Variants in ARL17A observed in about 807,000 individuals in gnomAD.
ARL17A encodes ADP-ribosylation factor-like 17-like.
At chr17:46,501,082 A>G in the ARL17A span, among the ~76,000 whole-genome samples, 2 of 151,280 alleles carry the variant, frequency 1.3e-5, 1 homozygote, top group African/African-American at 4.9e-5. Flanking sequence ...TAGAGACAGA[A>G]TATCCCTGTG....
chr17:46,575,018 C>T (rs1348488810), intron 2 of ARL17A, among the ~76,000 whole-genome samples: 3 of 76,872 alleles, frequency 3.9e-5, no homozygotes, highest in Non-Finnish European at 6.8e-5. Context: ...ATCGCCTGAA[C>T]CCAGGAGGCG....
downstream of ARL17A, among the ~76,000 whole-genome samples, chr17:46,551,212 C>T (rs1481762410): frequency 6.7e-6 from 1 of 149,040 alleles, no homozygotes; most frequent in Non-Finnish European, 1.5e-5. Context: ...TTACCTAAAG[C>T]CTACATCTGG....
chr17:46,553,266 C>T lies in ARL17A; in HGVS notation c.*4090G>A, dbSNP rs62073353. The T allele has an allele frequency of 0.23, 269,778 of 1,163,560 alleles. 78,470 individuals are homozygous for T. The highest frequency in any genetic ancestry group is 0.53 in the South Asian group (32,853 of 61,756). The allele number at this position is 1,163,560 out of a possible 1,614,324, so 72.1% of individuals were successfully genotyped here. On this transcript the variant is annotated 3_prime_UTR_variant, in exon 4 of 4. Transcript: ENST00000336125. ...GAAGAATCAAAGCAGTGTTACACAG[C>T]ATACAATTCCTGTCTTCAAAAAAGT...
In ARL17A at chr17:46,545,910, G is replaced by C. The variant is rs1022976902; in HGVS notation, c.260-7484C>G. 2.4e-3 allele frequency among the ~76,000 whole-genome samples: 358 copies of C among 149,646 alleles called. 8 individuals carry two copies. Among genetic ancestry groups the C allele is most frequent in the African/African-American group, 8.8e-3 (349 of 39,532 alleles). On this transcript the variant is annotated intron_variant, in intron 3 of 4. Transcript: ENST00000329240. ...TTGAGAAAGGGACTCCAGAAGTTGG[G>C]GGCTTATTCAGACTTCTTAAAAGTC...
intron 3 of ARL17A, among the ~76,000 whole-genome samples, chr17:46,545,343 C>A (rs1456003991): frequency 7.1e-6 from 1 of 140,210 alleles, no homozygotes; most frequent in Admixed American, 7.0e-5. Context: ...CCCAGCTACT[C>A]AGGAGGCTGA....
intron 2 of ARL17A, among the ~76,000 whole-genome samples, chr17:46,572,972 A>T: frequency 6.5e-5 from 1 of 15,268 alleles, no homozygotes; most frequent in Non-Finnish European, 4.2e-4. Context: ...AGGACAGAAA[A>T]GGGAGGGAGG....
At chr17:46,569,219 A>G (rs2057637337) in intron 3 of ARL17A, among the ~76,000 whole-genome samples, 1 of 151,686 alleles carries the variant, frequency 6.6e-6, no homozygotes, top group South Asian at 2.1e-4. Flanking sequence ...AAGTGCTGGG[A>G]TTACAGGTGT....
At chr17:46,525,523 G>T (rs1276366272), downstream of ARL17A, among the ~76,000 whole-genome samples, 3 of 111,524 alleles carry the variant, frequency 2.7e-5, no homozygotes, top group African/African-American at 6.4e-5. Flanking sequence ...GGAGGCGGAG[G>T]TTGCAGTGAG....
chr17:46,560,526 T>TA (rs947808165), intron 3 of ARL17A: 1 of 48,348 alleles, frequency 2.1e-5, no homozygotes, highest in African/African-American at 9.3e-5. Context: ...GAAGGCTGTC[T>TA]AGGGCACAAA....
chr17:46,548,714 G>A (rs1450902684), downstream of ARL17A: 1 of 1,609,598 alleles, frequency 6.2e-7, no homozygotes, highest in African/African-American at 1.4e-5. Flanking sequence ...AGGGAACAGG[G>A]TGCCCAGGCA....
intron 3 of ARL17A, among the ~76,000 whole-genome samples, chr17:46,568,812 TAGAG>T (rs1465264454): frequency 2.7e-4 from 27 of 101,294 alleles, no homozygotes; most frequent in African/African-American, 1.2e-3. Flanking sequence ...AAAAAAGGCA[TAGAG>T]AAAGAACAAC....
chr17:46,557,070 A>T lies in ARL17A; in HGVS notation c.*286T>A, dbSNP rs1482167246. On this transcript the variant is annotated 3_prime_UTR_variant, in exon 4 of 4. Transcript: ENST00000336125. ...CCTAAAAGAAAAGTTTAAAAAGGAA[A>T]AAACACCTAGGAGAAAAGAAAAATG... 2.1e-6 allele frequency: 1 copy of T among 469,470 alleles called. No individual in the cohort carries two copies. Among genetic ancestry groups the T allele is most frequent in the East Asian group, 5.6e-5 (1 of 18,010 alleles). 29.1% of individuals were successfully genotyped at this position (469,470 alleles called of 1,614,324 possible).
chr17:46,543,315 A>C (rs1313756326), intron 3 of ARL17A, among the ~76,000 whole-genome samples: 1 of 150,466 alleles, frequency 6.6e-6, no homozygotes, highest in Non-Finnish European at 1.5e-5. Context: ...ATTATTCTCA[A>C]GTATACCTCA....
rs543381147 is a variant in ARL17A at position 46,534,901 on chromosome 17, G to C, written c.335+3450C>G. On this transcript the variant is annotated intron_variant, in intron 4 of 4. Transcript: ENST00000329240. ...TCACTTCTCAGACGGGGCGGCTGCT[G>C]GGCGGAGGGGCTCCTCACTTCTCAG... Among the ~76,000 whole-genome samples, 4 of 149,596 alleles carry C rather than the reference G, an allele frequency of 2.7e-5. No homozygotes were observed. In the East Asian group the frequency reaches 7.8e-4, roughly 29 times the overall value.
At chr17:46,530,159 T>A (rs1390546558) in intron 4 of ARL17A, among the ~76,000 whole-genome samples, 1 of 135,288 alleles carries the variant, frequency 7.4e-6, no homozygotes, top group East Asian at 3.9e-4. Context: ...CCCAAAGTGC[T>A]GAGATTACAG....
Position 46,569,176 on chromosome 17 carries a change from G to C in ARL17A, c.259+1583C>G, listed in dbSNP as rs541477937. On this transcript the variant is annotated intron_variant, in intron 3 of 3. Transcript: ENST00000336125. Reference sequence around the variant, plus strand: ...TTGGCCAGGCTGGTCTCCAACTCCTGACCTCAGGTGATCCACCAGCCTTGG... The same window carrying C: ...TTGGCCAGGCTGGTCTCCAACTCCTCACCTCAGGTGATCCACCAGCCTTGG... Among the ~76,000 whole-genome samples, 624 of 151,386 alleles carry C rather than the reference G, an allele frequency of 4.1e-3. 2 individuals are homozygous for C. Among genetic ancestry groups the C allele is most frequent in the African/African-American group, 0.014 (554 of 40,668 alleles).
At chr17:46,504,945 C>CATTGATTTAT in the ARL17A span, among the ~76,000 whole-genome samples, 2 of 105,642 alleles carry the variant, frequency 1.9e-5, no homozygotes, top group Non-Finnish European at 3.6e-5. Flanking sequence ...TATTAATTAA[C>CATTGATTTAT]TAATTTTGAG....
chr17:46,558,482 G>A (rs1458144529), intron 3 of ARL17A, among the ~76,000 whole-genome samples: 2 of 121,248 alleles, frequency 1.6e-5, no homozygotes, highest in African/African-American at 6.7e-5. Flanking sequence ...TGCCTTCCAG[G>A]TTCAAGTGAT....
the ARL17A span, among the ~76,000 whole-genome samples, chr17:46,500,857 C>G: frequency 2.6e-4 from 39 of 151,070 alleles, 5 homozygotes; most frequent in African/African-American, 9.4e-4. Flanking sequence ...TATGGTTCCC[C>G]AAACAGCACA....
Sources: allele counts gnomAD v4.1 joint callset (sites outside exome capture counted in the v4.1 genomes callset), GRCh38; gene constraint gnomAD v4.1.1; transcripts MANE v1.5; gene names NCBI Gene and HGNC (gene_info 2026-07-23, HGNC 2026-07-21).